GLS: variants seen among roughly 807,000 people sequenced by gnomAD.
The protein encoded by GLS is glutaminase.
Under a neutral mutation model 86.7 loss-of-function variants are expected in GLS, and 36 were observed. The observed-to-expected ratio is 0.42, with a 90% CI of 0.32 to 0.55. The LOEUF (loss-of-function observed/expected upper bound fraction) is 0.55. GLS is among the 20% of genes least tolerant of loss of function. GLS has a pLI of 0.17. For missense variants in GLS, 528 were observed against 833.4 expected (o/e 0.63, Z 4.51); for synonymous variants, 317 against 305.9 (o/e 1.04, Z -0.38).
intron 6 of GLS, among the ~76,000 whole-genome samples, chr2:190,906,601 T>G (rs192054270): frequency 1.1e-4 from 16 of 152,310 alleles, no homozygotes; most frequent in African/African-American, 3.8e-4. Flanking sequence ...AGACGTTTTC[T>G]AAGCCTGAGC....
rs1400756429 is a variant in GLS at position 190,895,555 on chromosome 2, T to C, written c.484-49T>C. 7.4e-7 allele frequency: 1 copy of C among 1,345,128 alleles called. No homozygotes were observed. Among genetic ancestry groups the C allele is most frequent in the Non-Finnish European group, 1.0e-6 (1 of 955,442 alleles). 83.3% of individuals were successfully genotyped at this position (1,345,128 alleles called of 1,614,324 possible). On this transcript the variant is annotated intron_variant, in intron 2 of 17. Coordinates refer to ENST00000320717, the MANE Select transcript of GLS (RefSeq NM_014905.5). The surrounding 1 kb of genome is among the most constrained non-coding windows in gnomAD (Gnocchi z 4.2). ...AAATCTTATAGTTGGTATAAGCATA[T>C]ACATTATTTGCACTATATATTTACA...
At chr2:190,910,219 T>A in intron 6 of GLS, 44 bp from the exon 7 acceptor site, 1 of 1,064,934 alleles carries the variant, frequency 9.4e-7, no homozygotes, top group Non-Finnish European at 1.4e-6. Context: ...ATTACTCAAG[T>A]GTTTAAGTAT....
chr2:190,907,966 A>G (rs1215855521), intron 6 of GLS, among the ~76,000 whole-genome samples: 1 of 152,218 alleles, frequency 6.6e-6, no homozygotes, highest in African/African-American at 2.4e-5. Flanking sequence ...TTGAGAAAAA[A>G]GAGGAGTTGA....
chr2:190,927,134 G>A, intron 11 of GLS, 172 bp from the exon 12 acceptor site: 1 of 552,452 alleles, frequency 1.8e-6, no homozygotes, highest in South Asian at 2.6e-5. Context: ...CTTAAAAGTG[G>A]GTAGGACTTC....
Position 190,943,989 on chromosome 2 carries a change from A to G in GLS, c.1651-9576A>G, listed in dbSNP as rs1247684736. Among the ~76,000 whole-genome samples the G allele has an allele frequency of 6.6e-6, 1 of 152,202 alleles. No individual in the cohort carries two copies. The highest frequency in any genetic ancestry group is 1.5e-5 in the Non-Finnish European group (1 of 68,014). ...AAGTCCATGTGCCTGGCTTTGTTAT[A>G]GTAGCAGGATTTGAGGCATGCTAAG... On this transcript the variant is annotated intron_variant, in intron 14 of 17. Coordinates refer to ENST00000320717, the MANE Select transcript of GLS (RefSeq NM_014905.5). This position sits in a 1 kb window ranked among gnomAD's most constrained non-coding sequence, Gnocchi z 4.5.
At chr2:190,960,675 C>G (rs1690980217) in intron 17 of GLS, among the ~76,000 whole-genome samples, 2 of 152,026 alleles carry the variant, frequency 1.3e-5, no homozygotes, top group Non-Finnish European at 2.9e-5. Context: ...TGAGCCTGGC[C>G]AACTATCTTT....
intron 3 of GLS, among the ~76,000 whole-genome samples, chr2:190,898,991 AT>A (rs1688849160): frequency 6.6e-6 from 1 of 152,218 alleles, no homozygotes; most frequent in African/African-American, 2.4e-5. Context: ...AATAATTTAA[AT>A]TTGTTCAGCA....
chr2:190,965,052 G>T lies in GLS; in HGVS notation c.*2066G>T, dbSNP rs1691091759. 1 of 152,028 alleles carries T rather than the reference G, an allele frequency of 6.6e-6. No homozygotes were observed. Among genetic ancestry groups the T allele is most frequent in the African/African-American group, 2.4e-5 (1 of 41,398 alleles). The allele number at this position is 152,028 out of a possible 1,614,324, so 9.4% of individuals were successfully genotyped here. A position where few individuals can be genotyped will look rare whatever the true frequency, so the allele number is the denominator to read the frequency against. ...TATGACTATGTGCCGATTCCTGCTC[G>T]GGCTGTTTGCTGTTGGCTGGTAATA... is the stretch of plus-strand genomic sequence containing the variant. On this transcript the variant is annotated 3_prime_UTR_variant, in exon 18 of 18. Coordinates refer to ENST00000320717, the MANE Select transcript of GLS (RefSeq NM_014905.5). This position sits in a 1 kb window ranked among gnomAD's most constrained non-coding sequence, Gnocchi z 5.0.
rs1459964424 is a variant in GLS at position 190,938,200 on chromosome 2, A to G, written c.1650+6563A>G. On this transcript the variant is annotated intron_variant, in intron 14 of 17. Coordinates refer to ENST00000320717, the MANE Select transcript of GLS (RefSeq NM_014905.5). This position sits in a 1 kb window ranked among gnomAD's most constrained non-coding sequence, Gnocchi z 4.1. ...AAATAATGGTATTTTTTCATTAGGT[A>G]TTTACCTTGCTGAAACACTTTCAGG... Among the ~76,000 whole-genome samples the G allele has an allele frequency of 1.1e-4, 16 of 151,404 alleles. No homozygotes were observed. Among genetic ancestry groups the G allele is most frequent in the African/African-American group, 1.7e-4 (7 of 41,380 alleles).
intron 14 of GLS, among the ~76,000 whole-genome samples, chr2:190,942,670 A>T (rs774099270): frequency 6.6e-6 from 1 of 152,246 alleles, no homozygotes; most frequent in Non-Finnish European, 1.5e-5. Context: ...GATGGAGAAC[A>T]CTGGAAAAGC....
At chr2:190,883,059 T>G (rs933611113) in intron 1 of GLS, among the ~76,000 whole-genome samples, 3 of 152,230 alleles carry the variant, frequency 2.0e-5, no homozygotes, top group Admixed American at 6.5e-5. Context: ...AATTATGTCT[T>G]CAGGTCTGTG....
rs2124951074 is a variant in GLS at position 190,955,525 on chromosome 2, T to TAA, written c.1853+707_1853+708insAA. ...TGCCACATTTTCTTTATCCAGTCTA[T>TAA]TATCGATGGTCATTTGGGTTAGTTC... On this transcript the variant is annotated intron_variant, in intron 17 of 17. Coordinates refer to ENST00000320717, the MANE Select transcript of GLS (RefSeq NM_014905.5). This position sits in a 1 kb window ranked among gnomAD's most constrained non-coding sequence, Gnocchi z 5.6. 1.3e-5 allele frequency among the ~76,000 whole-genome samples: 2 copies of TAA among 152,340 alleles called. No individual in the cohort carries two copies. Among genetic ancestry groups the TAA allele is most frequent in the South Asian group, 4.1e-4 (2 of 4,828 alleles).
At chr2:190,907,343 C>T (rs949188982) in intron 6 of GLS, among the ~76,000 whole-genome samples, 2 of 151,932 alleles carry the variant, frequency 1.3e-5, no homozygotes, top group East Asian at 1.9e-4. Context: ...CCGCAACCTC[C>T]GCCTCCCGGG....
In GLS at chr2:190,935,296, TG is replaced by T. The variant is rs1690239495; in HGVS notation, c.1650+3660del. 7 of 485,266 alleles carry T rather than the reference TG, an allele frequency of 1.4e-5. No homozygotes were observed. Among genetic ancestry groups the T allele is most frequent in the Admixed American group, 6.4e-5 (1 of 15,584 alleles). 30.1% of individuals were successfully genotyped at this position (485,266 alleles called of 1,614,324 possible). ...TAAATTTATTTTAAGCTGATTTTATTGTTTTTTTTGTTTTGTTTTGTTTTGT... is the reference window on the plus strand; with the variant it reads ...TAAATTTATTTTAAGCTGATTTTATTTTTTTTTTGTTTTGTTTTGTTTTGT... On this transcript the variant is annotated intron_variant, in intron 14 of 17. Coordinates refer to ENST00000320717, the MANE Select transcript of GLS (RefSeq NM_014905.5). The surrounding 1 kb of genome is among the most constrained non-coding windows in gnomAD (Gnocchi z 4.2).
intron 6 of GLS, among the ~76,000 whole-genome samples, chr2:190,910,032 T>A (rs1256528794): frequency 2.0e-5 from 3 of 152,130 alleles, no homozygotes; most frequent in African/African-American, 7.2e-5. Context: ...TCTGAAACTT[T>A]GGCTCTTAAA....
At chr2:190,908,628 T>A (rs1186195663) in intron 6 of GLS, among the ~76,000 whole-genome samples, 5 of 152,236 alleles carry the variant, frequency 3.3e-5, no homozygotes, top group African/African-American at 1.2e-4. Context: ...ATTAAACCCA[T>A]CAACTCCATC....
At chr2:190,915,135 C>T (rs1465410594) in intron 7 of GLS, among the ~76,000 whole-genome samples, 5 of 150,756 alleles carry the variant, frequency 3.3e-5, no homozygotes, top group Admixed American at 1.3e-4. Flanking sequence ...GGACTACAGG[C>T]GCCCGCCACT....
intron 3 of GLS, among the ~76,000 whole-genome samples, chr2:190,896,991 G>A (rs1688765573): frequency 6.6e-6 from 1 of 152,044 alleles, no homozygotes; most frequent in Non-Finnish European, 1.5e-5. Context: ...ATAATCAGTA[G>A]GGGAACTGCT....
chr2:190,894,876 C>T (rs1323390813), intron 1 of GLS, among the ~76,000 whole-genome samples: 1 of 152,192 alleles, frequency 6.6e-6, no homozygotes, highest in Non-Finnish European at 1.5e-5. Context: ...ATCACCATAA[C>T]GGATGGCTGG....
Sources: gnomAD v4.1 joint callset for allele counts (sites outside exome capture counted in the v4.1 genomes callset) on GRCh38, gnomAD v4.1.1 for gene constraint, Gnocchi (gnomAD v3.1) non-coding constraint, MANE v1.5 for transcripts, NCBI Gene and HGNC (gene_info 2026-07-23, HGNC 2026-07-21) for gene names.